Variants in CDH4 observed in about 807,000 individuals in gnomAD.
CDH4 encodes cadherin 4.
In CDH4, 33 loss-of-function variants were observed where a neutral mutation model predicts 86.0. The observed-to-expected ratio is 0.38, with a 90% confidence interval of 0.29 to 0.51. CDH4 has a LOEUF of 0.51. Ranked by LOEUF, CDH4 falls within the 20% of genes least tolerant of loss-of-function variation. The pLI is 0.86. For synonymous variants in CDH4, 555 were observed against 549.4 expected (o/e 1.01, Z -0.14); for missense variants, 1,114 against 1,307.4 (o/e 0.85, Z 2.28).
chr20:61,751,482 G>T (rs554810749), intron 3 of CDH4, among the ~76,000 whole-genome samples: 1 of 152,190 alleles, frequency 6.6e-6, no homozygotes, highest in African/African-American at 2.4e-5. Context: ...CTTCATGGAC[G>T]TATAACTCTC....
rs556578142 is a variant in CDH4 at position 61,295,742 on chromosome 20, G to A, written c.169+40805G>A. 9.2e-5 allele frequency among the ~76,000 whole-genome samples: 14 copies of A among 152,256 alleles called. No homozygotes were observed. In the East Asian group the frequency reaches 2.5e-3, roughly 27 times the overall value. On this transcript the variant is annotated intron_variant, in intron 2 of 15. Transcript: ENST00000614565. ...CTGGGGAAAAGCGGGGAAGGAGGCG[G>A]TGGCCAGGCAGACCCCTGTCCCTTA... is the stretch of plus-strand genomic sequence containing the variant.
At chr20:61,816,575 T>C (rs544485560) in intron 4 of CDH4, among the ~76,000 whole-genome samples, 1 of 152,116 alleles carries the variant, frequency 6.6e-6, no homozygotes, top group Non-Finnish European at 1.5e-5. Flanking sequence ...TGAGCCGAAA[T>C]ACGCTCCATG....
chr20:61,323,043 C>T (rs2084517214), intron 2 of CDH4, among the ~76,000 whole-genome samples: 1 of 152,184 alleles, frequency 6.6e-6, no homozygotes, highest in Admixed American at 6.5e-5. Flanking sequence ...ATCCAAGGGC[C>T]TGAGCTTATC....
chr20:61,405,205 G>C (rs1045860493), intron 2 of CDH4, among the ~76,000 whole-genome samples: 1 of 151,808 alleles, frequency 6.6e-6, no homozygotes, highest in Non-Finnish European at 1.5e-5. Flanking sequence ...GATGCGCTGC[G>C]TATCTGTGTC....
At chr20:61,352,129 A>AC (rs2084716520) in intron 2 of CDH4, among the ~76,000 whole-genome samples, 1 of 152,004 alleles carries the variant, frequency 6.6e-6, no homozygotes, top group African/African-American at 2.4e-5. Context: ...GTGCTCACTC[A>AC]CCGTCTGCAC....
rs548618229 is a variant in CDH4, at chr20:61,922,127, C to T, written c.1375-1324C>T. Among the ~76,000 whole-genome samples, 20 of 152,286 alleles carry T rather than the reference C, an allele frequency of 1.3e-4. No individual in the cohort carries two copies. The East Asian group carries it at 3.7e-3, about 28-fold the overall frequency. On this transcript the variant is annotated intron_variant, in intron 9 of 15. Transcript: ENST00000614565. ...CACCATTGCTGATGGATGTTTGGGT[C>T]ATTTCCAGCATATTGTCTCGACAGA...
Position 61,934,152 on chromosome 20 carries a change from G to C in CDH4, c.2476G>C (p.Ala826Pro). The change falls in exon 15 of 16, where the codon GCT becomes CCT. Residue 826 changes from alanine to proline, a missense_variant. By Grantham distance (27) the Ala-to-Pro change is conservative (BLOSUM62 -1). Around this residue, in one of 3 missense-constraint regions of CDH4, gnomAD observed 188 missense variants for 183.8 expected, o/e 1.02. Coordinates refer to ENST00000614565, the MANE Select transcript of CDH4 (RefSeq NM_001794.5). ...VRRVDERPVG[A>P]EPQYPIRPMV... is the part of the protein sequence containing the mutation. ...TCGCGTGGATGAGCGGCCGGTGGGC[G>C]CTGAGCCCCAGTACCCGATCAGGCC... 2 of 1,609,124 alleles carry C rather than the reference G, an allele frequency of 1.2e-6. No individual in the cohort carries two copies. Among genetic ancestry groups the C allele is most frequent in the Non-Finnish European group, 8.5e-7 (1 of 1,177,824 alleles).
chr20:61,821,699 G>T (rs1353131625), intron 4 of CDH4, among the ~76,000 whole-genome samples: 1 of 152,218 alleles, frequency 6.6e-6, no homozygotes, highest in Non-Finnish European at 1.5e-5. Context: ...CCCTTGGGGG[G>T]GTCTACTTTG....
intron 2 of CDH4, among the ~76,000 whole-genome samples, chr20:61,373,639 G>A (rs1350352765): frequency 6.6e-6 from 1 of 152,126 alleles, no homozygotes; most frequent in Non-Finnish European, 1.5e-5. Context: ...TATGCGTTCC[G>A]ATGACCAGAC....
rs561002675 is a variant in CDH4, at chr20:61,866,644, G to T, written c.878-7084G>T. 5.3e-5 allele frequency among the ~76,000 whole-genome samples: 8 copies of T among 152,312 alleles called. No individual in the cohort carries two copies. In the East Asian group the frequency reaches 1.4e-3, roughly 26 times the overall value. ...GTACGATCCAGACCCTTTGGCAAGAGGGCTACACCCCAGCGTTCCAGCAGG... is the reference window on the plus strand; with the variant it reads ...GTACGATCCAGACCCTTTGGCAAGATGGCTACACCCCAGCGTTCCAGCAGG... On this transcript the variant is annotated intron_variant, in intron 6 of 15. Transcript: ENST00000614565.
intron 2 of CDH4, among the ~76,000 whole-genome samples, chr20:61,626,929 A>G (rs1014638472): frequency 3.3e-5 from 5 of 152,120 alleles, no homozygotes; most frequent in Non-Finnish European, 4.4e-5. Context: ...GCCACTGAAA[A>G]TCAGGGCTTC....
At chr20:61,646,177 G>T (rs887574482) in intron 2 of CDH4, among the ~76,000 whole-genome samples, 5 of 152,062 alleles carry the variant, frequency 3.3e-5, no homozygotes, top group African/African-American at 1.2e-4. Context: ...GCGGTGGGAA[G>T]TCAGCTCATT....
chr20:61,601,978 G>T (rs150089690), intron 2 of CDH4, among the ~76,000 whole-genome samples: 231 of 152,318 alleles, frequency 1.5e-3, no homozygotes, highest in African/African-American at 5.1e-3. Flanking sequence ...CCTGACGCAT[G>T]CCCACAGTGC....
intron 2 of CDH4, among the ~76,000 whole-genome samples, chr20:61,279,364 C>T (rs1042376238): frequency 6.6e-6 from 1 of 152,192 alleles, no homozygotes; most frequent in Non-Finnish European, 1.5e-5. Flanking sequence ...TCCTCCCAGG[C>T]AGCAAGGAAA....
intron 2 of CDH4, among the ~76,000 whole-genome samples, chr20:61,319,098 C>T (rs1202054872): frequency 3.9e-5 from 6 of 152,194 alleles, no homozygotes; most frequent in East Asian, 1.9e-4. Context: ...CTGCCAAAGA[C>T]GCTCACCTCA....
intron 2 of CDH4, among the ~76,000 whole-genome samples, chr20:61,728,207 G>T (rs1428716934): frequency 6.6e-6 from 1 of 152,166 alleles, no homozygotes; most frequent in Non-Finnish European, 1.5e-5. Context: ...GGGCTGCTGT[G>T]TTCTGCAGGG....
rs2145660377 is a variant in CDH4, at chr20:61,544,415, T to A, written c.170-199148T>A. On this transcript the variant is annotated intron_variant, in intron 2 of 15. Transcript: ENST00000614565. The surrounding 1 kb of genome is among the most constrained non-coding windows in gnomAD (Gnocchi z 6.5). ...CTTGCCCAGGAGAGAGGGGTGGGAC[T>A]CCTGGTGTTCACTTCGTAGCTGTTC... Among the ~76,000 whole-genome samples, 1 of 151,902 alleles carries A rather than the reference T, an allele frequency of 6.6e-6. No homozygotes were observed. The highest frequency in any genetic ancestry group is 2.1e-4 in the South Asian group (1 of 4,748).
intron 7 of CDH4, among the ~76,000 whole-genome samples, chr20:61,884,014 G>A (rs1427090291): frequency 1.3e-5 from 2 of 152,136 alleles, no homozygotes; most frequent in Admixed American, 6.5e-5. Context: ...GCCCCCAACA[G>A]CAGGCCGAGG....
chr20:61,560,678 G>C, intron 2 of CDH4, among the ~76,000 whole-genome samples: 1 of 152,246 alleles, frequency 6.6e-6, no homozygotes, highest in East Asian at 1.9e-4. Flanking sequence ...AGAGGCCTTG[G>C]AATGCTGCCC....
Sources: gnomAD v4.1 joint callset for allele counts (sites outside exome capture counted in the v4.1 genomes callset) on GRCh38, gnomAD v4.1.1 for gene constraint, gnomAD v4.1.1 regional missense constraint, Gnocchi (gnomAD v3.1) non-coding constraint, MANE v1.5 for transcripts, NCBI Gene and HGNC (gene_info 2026-07-23, HGNC 2026-07-21) for gene names.